Variants in FAM83B observed in about 807,000 individuals in gnomAD.
The protein encoded by FAM83B is protein FAM83B.
A neutral mutation model predicts 38.8 loss-of-function variants in FAM83B; 26 were observed. That is an observed-to-expected ratio of 0.67 (90% CI 0.49 to 0.93). The LOEUF (loss-of-function observed/expected upper bound fraction) is 0.93, where lower values mean the gene tolerates loss of function less well. Among genes scored for constraint, FAM83B ranks in the 40% least tolerant of loss-of-function variants. The pLI is 0.00. For synonymous variants in FAM83B, 419 were observed against 423.1 expected (o/e 0.99, Z 0.12); for missense variants, 1,237 against 1,197.3 (o/e 1.03, Z -0.49).
chr6:54,852,613 C>A (rs1771331449), intron 1 of FAM83B, among the ~76,000 whole-genome samples: 1 of 152,144 alleles, frequency 6.6e-6, no homozygotes. Flanking sequence ...CATTTTAAAT[C>A]AAAAGCTAGA....
At chr6:54,860,689 G>A (rs538391940) in intron 1 of FAM83B, among the ~76,000 whole-genome samples, 6 of 152,258 alleles carry the variant, frequency 3.9e-5, no homozygotes, top group African/African-American at 1.4e-4. Flanking sequence ...AAATAGAATT[G>A]TCTTTTCAGT....
chr6:54,907,264 T>C (rs946044212), intron 2 of FAM83B, among the ~76,000 whole-genome samples: 5 of 152,182 alleles, frequency 3.3e-5, no homozygotes, highest in African/African-American at 1.2e-4. Flanking sequence ...TATTGTTTTA[T>C]TCAATCAAAT....
chr6:54,920,923 A>G (rs1021500447), intron 2 of FAM83B, among the ~76,000 whole-genome samples: 6 of 151,954 alleles, frequency 3.9e-5, no homozygotes, highest in Non-Finnish European at 5.9e-5. Flanking sequence ...GTAATAATGA[A>G]TCATATTTTC....
chr6:54,943,839 A>G lies in FAM83B; in HGVS notation c.*1832A>G, dbSNP rs557639090. 181 of 152,306 alleles carry G rather than the reference A, an allele frequency of 1.2e-3. No homozygotes were observed. Among genetic ancestry groups the G allele is most frequent in the African/African-American group, 4.2e-3 (173 of 41,550 alleles). 9.4% of individuals were successfully genotyped at this position (152,306 alleles called of 1,614,324 possible). A position where few individuals can be genotyped will look rare whatever the true frequency, so the allele number is the denominator to read the frequency against. ...AAAACTGAAATTATATAAAGAGTAG[A>G]AGTTTAATCATGTTTAATTACAACC... On this transcript the variant is annotated 3_prime_UTR_variant, in exon 5 of 5. Coordinates refer to ENST00000306858, the MANE Select transcript of FAM83B (RefSeq NM_001010872.3).
intron 1 of FAM83B, among the ~76,000 whole-genome samples, chr6:54,851,653 T>TG (rs1476262249): frequency 1.6e-4 from 23 of 141,072 alleles, no homozygotes; most frequent in African/African-American, 5.8e-4. Flanking sequence ...TTGTGTTTTT[T>TG]TTTTTTTTTT....
At chr6:54,901,153 T>A (rs1772652165) in intron 2 of FAM83B, among the ~76,000 whole-genome samples, 1 of 152,176 alleles carries the variant, frequency 6.6e-6, no homozygotes, top group Non-Finnish European at 1.5e-5. Context: ...AGGTTACAGA[T>A]GACAAATAAC....
At chr6:54,860,917 G>A (rs558267488) in intron 1 of FAM83B, among the ~76,000 whole-genome samples, 9 of 152,126 alleles carry the variant, frequency 5.9e-5, no homozygotes, top group South Asian at 4.1e-4. Context: ...CTCCCTGAGC[G>A]CTGACTCATT....
In FAM83B at chr6:54,940,216, T is replaced by C. The variant is rs754301491; in HGVS notation, c.1245T>C (p.Asn415=). Residue 415 remains asparagine (N), a synonymous_variant, in exon 5 of 5, where the codon AAT becomes AAC. Coordinates refer to ENST00000306858, the MANE Select transcript of FAM83B (RefSeq NM_001010872.3). ...ATAGAACCAATAATCCACCTGGTAA[T>C]TGGAAAAAGCCATCTGATAGTCTCA... ...ALNRTNNPPG[N]WKKPSDSLSV... is the part of the protein sequence containing the mutation. 2 of 1,614,056 alleles carry C rather than the reference T, an allele frequency of 1.2e-6. No individual in the cohort carries two copies. The highest frequency in any genetic ancestry group is 1.1e-5 in the South Asian group (1 of 91,078).
At chr6:54,907,600 G>T (rs1459740187) in intron 2 of FAM83B, among the ~76,000 whole-genome samples, 1 of 145,798 alleles carries the variant, frequency 6.9e-6, no homozygotes, top group African/African-American at 2.5e-5. Flanking sequence ...AGGTTTTGAT[G>T]ATATTTTCAT....
At chr6:54,931,778 G>T (rs1186159280) in intron 4 of FAM83B, among the ~76,000 whole-genome samples, 1 of 151,852 alleles carries the variant, frequency 6.6e-6, no homozygotes, top group Non-Finnish European at 1.5e-5. Flanking sequence ...TTTCAATGAG[G>T]TAATTTAATT....
intron 2 of FAM83B, among the ~76,000 whole-genome samples, chr6:54,874,917 T>G (rs1771955442): frequency 6.6e-6 from 1 of 152,094 alleles, no homozygotes; most frequent in South Asian, 2.1e-4. Context: ...TGTTATGGCC[T>G]TGGGAGGTAT....
At chr6:54,873,881 GAA>G (rs1173180717) in intron 2 of FAM83B, among the ~76,000 whole-genome samples, 1 of 151,920 alleles carries the variant, frequency 6.6e-6, no homozygotes, top group African/African-American at 2.4e-5. Context: ...AGGTACTTGT[GAA>G]AATAATGCCA....
At chr6:54,891,032 T>C (rs543098637) in intron 2 of FAM83B, among the ~76,000 whole-genome samples, 56 of 152,250 alleles carry the variant, frequency 3.7e-4, no homozygotes, top group African/African-American at 1.3e-3. Context: ...GTATTTATGG[T>C]TACTTCTCCT....
At chr6:54,922,886 CT>C (rs1240303452) in intron 2 of FAM83B, among the ~76,000 whole-genome samples, 2 of 151,974 alleles carry the variant, frequency 1.3e-5, no homozygotes, top group Non-Finnish European at 2.9e-5. Flanking sequence ...CCCCTCATTT[CT>C]TTACAATTTT....
intron 2 of FAM83B, among the ~76,000 whole-genome samples, chr6:54,879,041 T>G (rs1561911707): frequency 6.6e-6 from 1 of 152,106 alleles, no homozygotes; most frequent in Non-Finnish European, 1.5e-5. Flanking sequence ...TCATTTGAGG[T>G]TGGTGTCAGA....
chr6:54,930,909 T>G (rs1235420935), intron 4 of FAM83B, among the ~76,000 whole-genome samples: 1 of 152,112 alleles, frequency 6.6e-6, no homozygotes, highest in African/African-American at 2.4e-5. Context: ...GAGGAGATAT[T>G]TTTGCTTTTT....
intron 2 of FAM83B, among the ~76,000 whole-genome samples, chr6:54,921,087 G>A (rs769743889): frequency 6.6e-5 from 10 of 151,586 alleles, no homozygotes. Flanking sequence ...CTGTATCTTT[G>A]CAGTACTAGC....
At chr6:54,851,875 T>C (rs9475045) in intron 1 of FAM83B, among the ~76,000 whole-genome samples, 68,377 of 151,138 alleles carry the variant, frequency 0.45, 16,149 homozygotes, top group African/African-American at 0.53. Flanking sequence ...TCTCGATCTC[T>C]TGACCTCGTG....
At chr6:54,884,919 C>T (rs1772237834) in intron 2 of FAM83B, among the ~76,000 whole-genome samples, 1 of 151,924 alleles carries the variant, frequency 6.6e-6, no homozygotes, top group Non-Finnish European at 1.5e-5. Flanking sequence ...ACTACAGGCG[C>T]CCGCCACCAC....
Sources: gnomAD v4.1 joint callset for allele counts (sites outside exome capture counted in the v4.1 genomes callset) on GRCh38, gnomAD v4.1.1 for gene constraint, MANE v1.5 for transcripts, NCBI Gene and HGNC (gene_info 2026-07-23, HGNC 2026-07-21) for gene names.